BACH2: variants seen among roughly 807,000 people sequenced by gnomAD.
The protein encoded by BACH2 is BACH transcriptional regulator 2.
A neutral mutation model predicts 61.8 loss-of-function variants in BACH2; 5 were observed. The ratio of observed to expected loss-of-function variants is 0.08; its 90% CI spans 0.04 to 0.17. BACH2 has a LOEUF of 0.17. BACH2 is among the 10% of genes least tolerant of loss of function. BACH2 has a pLI of 1.00. For missense variants in BACH2, 824 were observed against 1,091.1 expected, an observed-to-expected ratio of 0.76 and a Z score of 3.45; for synonymous variants, 446 against 440.1, an observed-to-expected ratio of 1.01 and a Z score of -0.17.
chr6:89,926,987 A>C lies in BACH2; in HGVS notation c.*5421T>G, dbSNP rs1772390664. The C allele has an allele frequency of 6.5e-6, 1 of 152,800 alleles. No homozygotes were observed. The allele number at this position is 152,800 out of a possible 1,614,324, so 9.5% of individuals were successfully genotyped here. A position where few individuals can be genotyped will look rare whatever the true frequency, so the allele number is the denominator to read the frequency against. ...GTGTGAAAACTGTCCGTATTGTTCA[A>C]CCTGGGGAGGAAGAGAAGAGGGGCT... On this transcript the variant is annotated 3_prime_UTR_variant, in exon 9 of 9. Coordinates refer to ENST00000257749, the MANE Select transcript of BACH2 (RefSeq NM_021813.4).
chr6:89,950,717 T>C lies in BACH2; in HGVS notation c.1389A>G (p.Pro463=). 1.2e-6 allele frequency: 2 copies of C among 1,614,114 alleles called. No homozygotes were observed. The highest frequency in any genetic ancestry group is 1.7e-6 in the Non-Finnish European group (2 of 1,180,022). ...SLDKDLSEPV[P]KGLWVGAGQS... ...GGCCGGCTCCCACCCACAGACCCTT[T>C]GGCACCGGCTCAGAGAGGTCTTTGT... The change falls in exon 7 of 9, where the codon CCA becomes CCG. Residue 463 remains proline, a synonymous_variant. Transcript: ENST00000257749. This position sits in a 1 kb window ranked among gnomAD's most constrained non-coding sequence, Gnocchi z 5.3.
At chr6:90,132,630 G>T (rs993117180) in intron 4 of BACH2, among the ~76,000 whole-genome samples, 2 of 152,072 alleles carry the variant, frequency 1.3e-5, no homozygotes, top group African/African-American at 4.8e-5. Context: ...CCCTACCGTG[G>T]CTACACCATT....
rs997921255 is a variant in BACH2 at position 90,127,281 on chromosome 6, C to T, written c.-161-38172G>A. ...CAGGTAAGGATTTCCCGCTCCGCTC[C>T]GGGGTTGATGGCTGCAGGCATGAGA... On this transcript the variant is annotated intron_variant, in intron 4 of 8. Transcript: ENST00000257749. Among the ~76,000 whole-genome samples the T allele has an allele frequency of 5.9e-5, 9 of 151,518 alleles. No individual in the cohort carries two copies. In the South Asian group the frequency reaches 1.3e-3, roughly 21 times the overall value.
At position 89,960,331 on chromosome 6, in the gene BACH2, C is replaced by T. The variant is rs183393966; in HGVS notation, c.244-8469G>A. Among the ~76,000 whole-genome samples, 16 of 152,368 alleles carry T rather than the reference C, an allele frequency of 1.1e-4. No homozygotes were observed. The East Asian group carries it at 2.9e-3, about 28-fold the overall frequency. The stretch of plus-strand genomic sequence containing the variant: ...AAGGGATTTACCCAAAGTCACAGGG[C>T]TGCCTGGCCAGGGCTAAACTCATGT... On this transcript the variant is annotated intron_variant, in intron 6 of 8. Coordinates refer to ENST00000257749, the MANE Select transcript of BACH2 (RefSeq NM_021813.4).
At chr6:89,994,153 G>A (rs1181682408) in intron 6 of BACH2, among the ~76,000 whole-genome samples, 3 of 152,126 alleles carry the variant, frequency 2.0e-5, no homozygotes, top group African/African-American at 7.2e-5. Context: ...CAGTACTTCA[G>A]TATGTGTATA....
Position 90,057,279 on chromosome 6 carries a change from C to G in BACH2, c.-13+31682G>C, listed in dbSNP as rs1220138862. ...GAATCAAATAGACGCAATAAAAAAT[C>G]ATAAAGGGGATATCACCACCAATCC... On this transcript the variant is annotated intron_variant, in intron 5 of 8. Coordinates refer to ENST00000257749, the MANE Select transcript of BACH2 (RefSeq NM_021813.4). Among the ~76,000 whole-genome samples the G allele has an allele frequency of 8.5e-5, 13 of 152,092 alleles. No homozygotes were observed. The East Asian group carries it at 2.1e-3, about 25-fold the overall frequency.
chr6:90,194,564 C>G (rs960948361), intron 4 of BACH2, among the ~76,000 whole-genome samples: 2 of 152,162 alleles, frequency 1.3e-5, no homozygotes, highest in Non-Finnish European at 2.9e-5. Context: ...ACAGAGATTG[C>G]AGACCACTCA....
chr6:90,027,605 C>T (rs1778701700), intron 5 of BACH2, among the ~76,000 whole-genome samples: 1 of 152,158 alleles, frequency 6.6e-6, no homozygotes. Context: ...CGGAGAGACA[C>T]AGTGTTTCGC....
intron 5 of BACH2, among the ~76,000 whole-genome samples, chr6:90,028,484 G>T (rs1338146149): frequency 6.6e-6 from 1 of 152,110 alleles, no homozygotes; most frequent in Non-Finnish European, 1.5e-5. Context: ...GCCCAAATCA[G>T]AATCCTCTTT....
intron 5 of BACH2, among the ~76,000 whole-genome samples, chr6:90,071,463 A>G (rs1781224476): frequency 6.6e-6 from 1 of 152,254 alleles, no homozygotes; most frequent in Non-Finnish European, 1.5e-5. Flanking sequence ...ACTCAAAGTG[A>G]GAGTAAACCA....
At chr6:90,284,564 T>C (rs1314813901) in intron 1 of BACH2, among the ~76,000 whole-genome samples, 1 of 152,204 alleles carries the variant, frequency 6.6e-6, no homozygotes, top group Non-Finnish European at 1.5e-5. Context: ...CACATTTCCC[T>C]CAAACACAGC....
At chr6:90,018,988 C>T (rs1288103790) in intron 5 of BACH2, among the ~76,000 whole-genome samples, 1 of 152,090 alleles carries the variant, frequency 6.6e-6, no homozygotes, top group Non-Finnish European at 1.5e-5. Context: ...GGAATGTTTT[C>T]AGGATTTTCT....
chr6:90,146,853 G>A (rs934949439), intron 4 of BACH2, among the ~76,000 whole-genome samples: 1 of 152,176 alleles, frequency 6.6e-6, no homozygotes, highest in Non-Finnish European at 1.5e-5. Context: ...AACTTTACAA[G>A]TGGTTTGTGA....
intron 4 of BACH2, among the ~76,000 whole-genome samples, chr6:90,103,029 A>ATATTTT: frequency 1.9e-4 from 4 of 21,162 alleles, no homozygotes; most frequent in East Asian, 1.5e-3. Flanking sequence ...ATATATATAT[A>ATATTTT]TTTTTTTTTT....
intron 4 of BACH2, among the ~76,000 whole-genome samples, chr6:90,129,575 T>A (rs1195355583): frequency 6.6e-6 from 1 of 152,140 alleles, no homozygotes; most frequent in Non-Finnish European, 1.5e-5. Flanking sequence ...ATTTTCACAA[T>A]ACTGATTCTT....
At chr6:89,978,668 C>G (rs571279753) in intron 6 of BACH2, among the ~76,000 whole-genome samples, 8 of 92,766 alleles carry the variant, frequency 8.6e-5, no homozygotes, top group Non-Finnish European at 1.7e-4. Flanking sequence ...GCAAAATAAA[C>G]AGCAGAACAT....
rs767126356 is a variant in BACH2 at position 89,932,370 on chromosome 6, TG to T, written c.*37del. ...ACAGGCTGACTGAAGAACGCCTGGA[TG>T]GGAGAGGTGTGCGGACTGGGAGGCA... On this transcript the variant is annotated 3_prime_UTR_variant, in exon 9 of 9. Transcript: ENST00000257749. 6.3e-7 allele frequency: 1 copy of T among 1,590,358 alleles called. No individual in the cohort carries two copies. Among genetic ancestry groups the T allele is most frequent in the Non-Finnish European group, 8.6e-7 (1 of 1,163,630 alleles).
Position 89,981,200 on chromosome 6 carries a change from C to T in BACH2, c.243+27402G>A, listed in dbSNP as rs540314251. Among the ~76,000 whole-genome samples, 18 of 151,290 alleles carry T rather than the reference C, an allele frequency of 1.2e-4. No individual in the cohort carries two copies. The East Asian group carries it at 2.5e-3, about 21-fold the overall frequency. ...AGGCTGGAGTGCAGTGGCGTGATCT[C>T]GGCTCACTGCAAGCTCCGCTTCCTG... On this transcript the variant is annotated intron_variant, in intron 6 of 8. Transcript: ENST00000257749.
intron 4 of BACH2, among the ~76,000 whole-genome samples, chr6:90,091,733 G>C (rs1782167727): frequency 6.6e-6 from 1 of 152,132 alleles, no homozygotes; most frequent in Middle Eastern, 3.2e-3. Context: ...GGTTTGAGGA[G>C]TGGGGGGTGC....
Sources: allele counts gnomAD v4.1 joint callset (sites outside exome capture counted in the v4.1 genomes callset), GRCh38; gene constraint gnomAD v4.1.1; non-coding constraint Gnocchi (gnomAD v3.1); transcripts MANE v1.5; gene names NCBI Gene and HGNC (gene_info 2026-07-23, HGNC 2026-07-21).